Variants in DLGAP2 observed in about 807,000 individuals in gnomAD.
DLGAP2 encodes the protein disks large-associated protein 2.
Under a neutral mutation model 100.3 loss-of-function variants are expected in DLGAP2, and 26 were observed. That is an observed-to-expected ratio of 0.26 (90% confidence interval 0.19 to 0.36). The LOEUF (loss-of-function observed/expected upper bound fraction) is 0.36, where lower values mean the gene tolerates loss of function less well. DLGAP2 is among the 10% of genes least tolerant of loss of function. The probability of loss-of-function intolerance (pLI) is 1.00; values close to 1 mark genes in which losing one functional copy is unlikely to be tolerated. For missense variants in DLGAP2, 1,858 were observed against 1,453.2 expected, an observed-to-expected ratio of 1.28 and a Z score of -4.53; for synonymous variants, 886 against 630.1, an observed-to-expected ratio of 1.41 and a Z score of -6.08.
intron 3 of DLGAP2, among the ~76,000 whole-genome samples, chr8:1,392,802 C>T (rs1201244964): frequency 1.5e-5 from 2 of 136,096 alleles, no homozygotes; most frequent in Admixed American, 7.3e-5. Flanking sequence ...CAGCTTGAAA[C>T]TCCTGGGCAT....
At chr8:1,362,550 G>T (rs1332083014) in intron 3 of DLGAP2, among the ~76,000 whole-genome samples, 1 of 152,064 alleles carries the variant, frequency 6.6e-6, no homozygotes, top group African/African-American at 2.4e-5. Flanking sequence ...CACTAACCAT[G>T]GTCTAGCCCT....
chr8:776,847 C>G (rs569456046), intron 1 of DLGAP2, among the ~76,000 whole-genome samples: 1 of 152,116 alleles, frequency 6.6e-6, no homozygotes. Flanking sequence ...GTGGAGAGTT[C>G]TGTAGATGTC....
chr8:1,491,611 G>A (rs188842400), intron 3 of DLGAP2, among the ~76,000 whole-genome samples: 128 of 152,322 alleles, frequency 8.4e-4, no homozygotes, highest in Admixed American at 8.5e-4. Context: ...GGTAGTGCAG[G>A]GGACCTAACG....
chr8:1,323,546 A>G (rs1028575262), intron 3 of DLGAP2, among the ~76,000 whole-genome samples: 3 of 152,128 alleles, frequency 2.0e-5, no homozygotes, highest in East Asian at 1.9e-4. Context: ...GCGGGAAGCA[A>G]TGGCTCCTGC....
intron 1 of DLGAP2, among the ~76,000 whole-genome samples, chr8:898,404 T>C (rs1410304094): frequency 6.6e-6 from 1 of 152,164 alleles, no homozygotes; most frequent in African/African-American, 2.4e-5. Flanking sequence ...AAGGCGGTCA[T>C]TGGCCGGGGC....
intron 3 of DLGAP2, among the ~76,000 whole-genome samples, chr8:1,486,265 T>G (rs1184409722): frequency 2.0e-5 from 3 of 152,178 alleles, no homozygotes; most frequent in Admixed American, 2.0e-4. Context: ...AGCCTGCATA[T>G]TACGGCAGAT....
chr8:1,514,274 A>T (rs191630878), intron 4 of DLGAP2, among the ~76,000 whole-genome samples: 78 of 152,312 alleles, frequency 5.1e-4, no homozygotes, highest in African/African-American at 1.8e-3. Flanking sequence ...ATTTTTTCTT[A>T]TGCGACTATT....
intron 2 of DLGAP2, among the ~76,000 whole-genome samples, chr8:1,172,268 G>C (rs529044716): frequency 1.1e-3 from 173 of 152,244 alleles, no homozygotes; most frequent in Non-Finnish European, 1.9e-3. Flanking sequence ...TAGTCTGATG[G>C]GCTTCCCTTT....
chr8:1,575,513 C>A (rs899152006), intron 6 of DLGAP2, among the ~76,000 whole-genome samples: 1 of 140,484 alleles, frequency 7.1e-6, no homozygotes, highest in Non-Finnish European at 1.6e-5. Context: ...TACATGTGCA[C>A]AATGTGCAGG....
intron 3 of DLGAP2, among the ~76,000 whole-genome samples, chr8:1,389,518 G>A (rs1172072720): frequency 6.6e-6 from 1 of 152,198 alleles, no homozygotes; most frequent in Non-Finnish European, 1.5e-5. Context: ...TGGAAGAGGT[G>A]TGGACGAGGC....
intron 3 of DLGAP2, among the ~76,000 whole-genome samples, chr8:1,281,175 G>T (rs1455178772): frequency 2.6e-5 from 4 of 152,208 alleles, no homozygotes; most frequent in African/African-American, 7.2e-5. Context: ...GATATTACGA[G>T]TTTTAGTCTG....
At chr8:1,328,743 A>T in intron 3 of DLGAP2, among the ~76,000 whole-genome samples, 1 of 152,350 alleles carries the variant, frequency 6.6e-6, no homozygotes, top group South Asian at 2.1e-4. Flanking sequence ...AGCAAAATGA[A>T]CTAAGCTTCC....
chr8:1,625,139 C>A (rs1453946483), intron 6 of DLGAP2, among the ~76,000 whole-genome samples: 1 of 152,220 alleles, frequency 6.6e-6, no homozygotes, highest in African/African-American at 2.4e-5. Context: ...TAATGCCCAA[C>A]TCTGGAGTCA....
intron 2 of DLGAP2, among the ~76,000 whole-genome samples, chr8:1,029,908 T>G (rs1801926775): frequency 6.6e-6 from 1 of 151,964 alleles, no homozygotes; most frequent in Non-Finnish European, 1.5e-5. Context: ...GACACAAACA[T>G]GTGGGCAATG....
intron 9 of DLGAP2, 84 bp from the exon 10 acceptor site, chr8:1,669,659 C>G: frequency 1.3e-6 from 1 of 775,460 alleles, no homozygotes. Flanking sequence ...GCTAGGCATG[C>G]GGGCGGAGAG....
chr8:1,647,194 C>G (rs957165558), intron 8 of DLGAP2, among the ~76,000 whole-genome samples: 1 of 152,122 alleles, frequency 6.6e-6, no homozygotes, highest in Non-Finnish European at 1.5e-5. Context: ...ACTGAAGTCT[C>G]CAAGCTAGAG....
At chr8:1,392,217 G>A (rs1452285278) in intron 3 of DLGAP2, among the ~76,000 whole-genome samples, 2 of 152,176 alleles carry the variant, frequency 1.3e-5, no homozygotes, top group African/African-American at 4.8e-5. Context: ...ATTATGGACG[G>A]GGCGGCCTTG....
intron 2 of DLGAP2, among the ~76,000 whole-genome samples, chr8:1,225,218 G>A (rs1798390400): frequency 2.0e-5 from 3 of 152,338 alleles, no homozygotes; most frequent in Admixed American, 1.3e-4. Context: ...CATGCCATAT[G>A]TACAGACAAC....
intron 8 of DLGAP2, among the ~76,000 whole-genome samples, chr8:1,664,310 G>T (rs560209748): frequency 1.3e-5 from 2 of 152,080 alleles, no homozygotes; most frequent in African/African-American, 4.8e-5. Flanking sequence ...GGCTATGTCC[G>T]CTGGCCCGTC....
Sources: gnomAD v4.1 joint callset for allele counts (sites outside exome capture counted in the v4.1 genomes callset) on GRCh38, gnomAD v4.1.1 for gene constraint, MANE v1.5 for transcripts, NCBI Gene and HGNC (gene_info 2026-07-23, HGNC 2026-07-21) for gene names.